The following PTPN1 variants were observed in gnomAD, a reference collection of about 807,000 sequenced individuals.
The protein encoded by PTPN1 is protein tyrosine phosphatase non-receptor type 1.
In PTPN1, 12 loss-of-function variants were observed where a neutral mutation model predicts 59.9. The ratio of observed to expected loss-of-function variants is 0.20; its 90% CI spans 0.13 to 0.32. The LOEUF is 0.32. PTPN1 is among the 10% of genes least tolerant of loss of function. The probability of loss-of-function intolerance (pLI) is 1.00; values close to 1 mark genes in which losing one functional copy is unlikely to be tolerated. For missense variants in PTPN1, 356 were observed against 549.2 expected, an observed-to-expected ratio of 0.65 and a Z score of 3.52; for synonymous variants, 178 against 203.6, an observed-to-expected ratio of 0.87 and a Z score of 1.07.
At chr20:50,560,432 AG>A (rs1368150674) in intron 1 of PTPN1, among the ~76,000 whole-genome samples, 1 of 152,016 alleles carries the variant, frequency 6.6e-6, no homozygotes, top group Non-Finnish European at 1.5e-5. Flanking sequence ...CCTGACTGGG[AG>A]CACAGCCAGA....
chr20:50,578,342 A>T, intron 5 of PTPN1, 78 bp from the exon 6 acceptor site: 1 of 1,246,338 alleles, frequency 8.0e-7, no homozygotes, highest in Non-Finnish European at 1.2e-6. Context: ...GTGGAAGGTG[A>T]CTCTGTGTGT....
intron 4 of PTPN1, chr20:50,573,023 C>T (rs1478951700): frequency 6.6e-6 from 1 of 152,242 alleles, no homozygotes; most frequent in Non-Finnish European, 1.5e-5. Flanking sequence ...TGGTCTGGCA[C>T]TGTGAAGTTT....
intron 8 of PTPN1, 143 bp downstream of exon 8, chr20:50,580,069 AC>A: frequency 1.4e-6 from 1 of 732,630 alleles, no homozygotes; most frequent in Non-Finnish European, 2.3e-6. Flanking sequence ...GGGCGCGTGG[AC>A]CACAGCCACT....
At position 50,579,611 on chromosome 20, in the gene PTPN1, G is replaced by T. The variant is rs552262974; in HGVS notation, c.865-92G>T. On this transcript the variant is annotated intron_variant, in intron 7 of 9. Coordinates refer to ENST00000371621, the MANE Select transcript of PTPN1 (RefSeq NM_002827.4). ...AGCCCTGAGAGGCCGAGAGCCCCTC[G>T]CCAAGCCGTCACCTCTGCTCATGCA... 2.5e-5 allele frequency: 29 copies of T among 1,180,014 alleles called. No individual in the cohort carries two copies. In the African/African-American group the frequency reaches 4.0e-4, roughly 16 times the overall value. The allele number at this position is 1,180,014 out of a possible 1,614,324, so 73.1% of individuals were successfully genotyped here. A position where few individuals can be genotyped will look rare whatever the true frequency, so the allele number is the denominator to read the frequency against.
At chr20:50,512,112 A>G (rs1345696617) in intron 1 of PTPN1, among the ~76,000 whole-genome samples, 17 of 152,258 alleles carry the variant, frequency 1.1e-4, no homozygotes, top group Admixed American at 1.1e-3. Context: ...ACTAATAAGT[A>G]TGATTGATCA....
In PTPN1 at chr20:50,583,048, C is replaced by T. The variant is rs2082877312; in HGVS notation, c.*333C>T. 2 of 346,218 alleles carry T rather than the reference C, an allele frequency of 5.8e-6. No homozygotes were observed. Among genetic ancestry groups the T allele is most frequent in the Non-Finnish European group, 1.1e-5 (2 of 189,242 alleles). 21.4% of individuals were successfully genotyped at this position (346,218 alleles called of 1,614,324 possible). A position where few individuals can be genotyped will look rare whatever the true frequency, so the allele number is the denominator to read the frequency against. ...ACCCAGGGCTCCCTCCTGGAGCATC[C>T]CAGGCGGGCGGCACGCCAACAGCCC... On this transcript the variant is annotated 3_prime_UTR_variant, in exon 10 of 10. Transcript: ENST00000371621.
intron 1 of PTPN1, among the ~76,000 whole-genome samples, chr20:50,550,889 C>T (rs544541705): frequency 2.0e-5 from 3 of 152,198 alleles, no homozygotes; most frequent in South Asian, 2.1e-4. Context: ...AGTTGTGGAC[C>T]GAGGAGAAGG....
At chr20:50,569,496 T>G (rs2082795963) in intron 4 of PTPN1, among the ~76,000 whole-genome samples, 1 of 151,390 alleles carries the variant, frequency 6.6e-6, no homozygotes, top group African/African-American at 2.4e-5. Context: ...GCAGCCGGCC[T>G]CCTGTGTAGA....
At chr20:50,520,715 C>A (rs61191029) in intron 1 of PTPN1, among the ~76,000 whole-genome samples, 3,900 of 152,270 alleles carry the variant, frequency 0.026, 94 homozygotes, top group African/African-American at 0.061. Flanking sequence ...CCCTGCTCCC[C>A]TGAAGCAGCC....
chr20:50,573,960 C>A, intron 4 of PTPN1: 1 of 152,418 alleles, frequency 6.6e-6, no homozygotes, highest in Non-Finnish European at 1.5e-5. Context: ...ATGAACTGAA[C>A]CAAACCAGAA....
At chr20:50,515,602 C>A (rs78264241) in intron 1 of PTPN1, among the ~76,000 whole-genome samples, 7,174 of 152,242 alleles carry the variant, frequency 0.047, 244 homozygotes, top group Middle Eastern at 0.075. Context: ...GTAGCTGCTA[C>A]TTTATATCCC....
chr20:50,569,565 T>TC (rs2082796662), intron 4 of PTPN1, among the ~76,000 whole-genome samples: 1 of 151,930 alleles, frequency 6.6e-6, no homozygotes, highest in Non-Finnish European at 1.5e-5. Context: ...GTGTAGATTG[T>TC]CTGTGTAGAC....
At chr20:50,564,925 C>G in intron 2 of PTPN1, 44 bp from the exon 3 acceptor site, 1 of 1,610,956 alleles carries the variant, frequency 6.2e-7, no homozygotes, top group Non-Finnish European at 8.5e-7. Context: ...TGTACACATT[C>G]AGCTTTTCCG....
intron 1 of PTPN1, among the ~76,000 whole-genome samples, chr20:50,541,120 T>C (rs2082650211): frequency 6.6e-6 from 1 of 152,144 alleles, no homozygotes; most frequent in African/African-American, 2.4e-5. Context: ...GAGAAATGTT[T>C]CTCTCAACAC....
At chr20:50,526,775 G>A (rs1258414004) in intron 1 of PTPN1, among the ~76,000 whole-genome samples, 1 of 151,850 alleles carries the variant, frequency 6.6e-6, no homozygotes. Flanking sequence ...TGAGACTGTG[G>A]TCAGTCACTT....
rs1348965216 is a variant in PTPN1, at chr20:50,582,920, T to A, written c.*205T>A. 2 of 614,668 alleles carry A rather than the reference T, an allele frequency of 3.3e-6. No homozygotes were observed. The highest frequency in any genetic ancestry group is 2.8e-5 in the East Asian group (1 of 36,200). 38.1% of individuals were successfully genotyped at this position (614,668 alleles called of 1,614,324 possible). On this transcript the variant is annotated 3_prime_UTR_variant, in exon 10 of 10. Transcript: ENST00000371621. This position sits in a 1 kb window ranked among gnomAD's most constrained non-coding sequence, Gnocchi z 4.2. Reference sequence around the variant, plus strand: ...TCCTTTTACTTTTTGCCCCTTCCACTTTGAGTACCAAATCCACAAGCCATT... The same window carrying A: ...TCCTTTTACTTTTTGCCCCTTCCACATTGAGTACCAAATCCACAAGCCATT...
At chr20:50,514,358 C>T (rs919343426) in intron 1 of PTPN1, among the ~76,000 whole-genome samples, 3 of 152,170 alleles carry the variant, frequency 2.0e-5, no homozygotes, top group African/African-American at 7.2e-5. Context: ...CTGAATTTCA[C>T]AGTGGAAATG....
intron 1 of PTPN1, among the ~76,000 whole-genome samples, chr20:50,529,985 G>A (rs915671767): frequency 6.6e-6 from 1 of 151,752 alleles, no homozygotes; most frequent in African/African-American, 2.4e-5. Flanking sequence ...AGCGATTCTC[G>A]TGCCTCAGCC....
intron 4 of PTPN1, chr20:50,573,593 T>G (rs2082821553): frequency 6.6e-6 from 1 of 152,224 alleles, no homozygotes; most frequent in Non-Finnish European, 1.5e-5. Flanking sequence ...CCAGTGTCAT[T>G]TGCCAAAGAG....
Sources: gnomAD v4.1 joint callset for allele counts (sites outside exome capture counted in the v4.1 genomes callset) on GRCh38, gnomAD v4.1.1 for gene constraint, Gnocchi (gnomAD v3.1) non-coding constraint, MANE v1.5 for transcripts, NCBI Gene and HGNC (gene_info 2026-07-23, HGNC 2026-07-21) for gene names.